The following C8orf34 variants were observed in gnomAD, a reference collection of about 807,000 sequenced individuals.
The protein encoded by C8orf34 is uncharacterized protein C8orf34.
In C8orf34, 65 loss-of-function variants were observed where a neutral mutation model predicts 68.3. That is an observed-to-expected ratio of 0.95 (90% confidence interval 0.78 to 1.17). The LOEUF (loss-of-function observed/expected upper bound fraction) is 1.17, where lower values mean the gene tolerates loss of function less well. C8orf34 is among the 50% of genes most tolerant of loss of function. The pLI is 0.00. For missense variants in C8orf34, 664 were observed against 655.4 expected (o/e 1.01, Z -0.14); for synonymous variants, 244 against 241.2 (o/e 1.01, Z -0.11).
At chr8:68,626,711 T>C (rs1483503978) in intron 7 of C8orf34, among the ~76,000 whole-genome samples, 1 of 152,180 alleles carries the variant, frequency 6.6e-6, no homozygotes, top group Non-Finnish European at 1.5e-5. Flanking sequence ...GTTCTCAACA[T>C]AGGATCTTAT....
At position 68,745,529 on chromosome 8, in the gene C8orf34, A is replaced by G. The variant is rs188978306; in HGVS notation, c.1404+24092A>G. On this transcript the variant is annotated intron_variant, in intron 10 of 13. Transcript: ENST00000518698. ...GACACACATAGGCTCAAAATAAAAG[A>G]ATGGAGGAAGGTCTACCAAGCAAAA... Among the ~76,000 whole-genome samples the G allele has an allele frequency of 5.7e-3, 869 of 152,204 alleles. 8 individuals are homozygous for G. Among genetic ancestry groups the G allele is most frequent in the African/African-American group, 0.02 (823 of 41,516 alleles).
chr8:68,723,155 T>C lies in C8orf34; in HGVS notation c.1404+1718T>C, dbSNP rs546914978. ...GCTTGTCTGTTTCTTGTAGAAACAG[T>C]TTATTCCTGTTTGTTAGATGTTGTC... On this transcript the variant is annotated intron_variant, in intron 10 of 13. Coordinates refer to ENST00000518698, the MANE Select transcript of C8orf34 (RefSeq NM_052958.4). 1.7e-4 allele frequency among the ~76,000 whole-genome samples: 26 copies of C among 152,240 alleles called. No individual in the cohort carries two copies. In the South Asian group the frequency reaches 5.4e-3, roughly 32 times the overall value.
intron 7 of C8orf34, among the ~76,000 whole-genome samples, chr8:68,611,263 T>C (rs983828969): frequency 6.6e-6 from 1 of 152,084 alleles, no homozygotes; most frequent in Non-Finnish European, 1.5e-5. Context: ...CAAGAAATGT[T>C]TTGGCAGAAA....
chr8:68,801,685 C>T (rs1386144399), intron 12 of C8orf34, among the ~76,000 whole-genome samples: 1 of 152,130 alleles, frequency 6.6e-6, no homozygotes. Flanking sequence ...CACAAAGATT[C>T]ACATTCAGAA....
At chr8:68,395,199 T>C (rs548006272) in intron 1 of C8orf34, among the ~76,000 whole-genome samples, 1 of 152,210 alleles carries the variant, frequency 6.6e-6, no homozygotes, top group South Asian at 2.1e-4. Flanking sequence ...GGGATTAATA[T>C]TGTCACATTC....
chr8:68,704,713 G>A (rs1049901236), intron 8 of C8orf34, among the ~76,000 whole-genome samples: 2 of 152,056 alleles, frequency 1.3e-5, no homozygotes, highest in Non-Finnish European at 2.9e-5. Flanking sequence ...TGTTAAGACT[G>A]CTTACTCACA....
intron 10 of C8orf34, among the ~76,000 whole-genome samples, chr8:68,738,727 T>A (rs1221836078): frequency 6.6e-6 from 1 of 152,008 alleles, no homozygotes; most frequent in Non-Finnish European, 1.5e-5. Context: ...CTCCCAAGAA[T>A]AAACCAAGAA....
intron 2 of C8orf34, among the ~76,000 whole-genome samples, chr8:68,442,294 C>T (rs1027659919): frequency 1.3e-5 from 2 of 152,000 alleles, no homozygotes; most frequent in African/African-American, 2.4e-5. Flanking sequence ...AAGATTGTCA[C>T]GCAGTTCTGG....
intron 12 of C8orf34, chr8:68,791,200 T>C: frequency 5.1e-6 from 2 of 393,250 alleles, no homozygotes; most frequent in Non-Finnish European, 9.0e-6. Flanking sequence ...TGGGGAGGCC[T>C]CAGGAAACTT....
At chr8:68,673,067 A>G (rs902702390) in intron 8 of C8orf34, among the ~76,000 whole-genome samples, 13 of 152,092 alleles carry the variant, frequency 8.5e-5, no homozygotes, top group African/African-American at 2.9e-4. Flanking sequence ...TACTTCTGGT[A>G]GGATTAATCA....
At chr8:68,414,716 C>T (rs952655093) in intron 1 of C8orf34, among the ~76,000 whole-genome samples, 2 of 152,074 alleles carry the variant, frequency 1.3e-5, no homozygotes, top group African/African-American at 4.8e-5. Context: ...TATTCAAACA[C>T]TTATTATGCC....
rs201089684 is a variant in C8orf34, at chr8:68,459,511, G to A, written c.608-9181G>A. 7.5e-4 allele frequency among the ~76,000 whole-genome samples: 114 copies of A among 152,244 alleles called. 1 individual carries two copies. The highest frequency in any genetic ancestry group is 3.4e-3 in the Middle Eastern group (1 of 294). On this transcript the variant is annotated intron_variant, in intron 3 of 13. Coordinates refer to ENST00000518698, the MANE Select transcript of C8orf34 (RefSeq NM_052958.4). ...CTCCCAAAGTGTTGGGATTACAGGC[G>A]TGAGCCACCGTGCCCGGCTGAAAAG...
chr8:68,390,597 T>C (rs761708793), intron 1 of C8orf34, among the ~76,000 whole-genome samples: 15 of 152,170 alleles, frequency 9.9e-5, no homozygotes, highest in Non-Finnish European at 1.8e-4. Flanking sequence ...ATGGGAATTT[T>C]ATCAAGTTTG....
intron 10 of C8orf34, among the ~76,000 whole-genome samples, chr8:68,729,289 G>C (rs909366301): frequency 6.6e-6 from 1 of 152,174 alleles, no homozygotes; most frequent in African/African-American, 2.4e-5. Flanking sequence ...AATTAGCAGA[G>C]TGGAATCCTC....
intron 7 of C8orf34, among the ~76,000 whole-genome samples, chr8:68,554,075 A>T (rs184926293): frequency 2.0e-5 from 3 of 152,290 alleles, no homozygotes; most frequent in Non-Finnish European, 4.4e-5. Flanking sequence ...GCAAATTGAA[A>T]AAAATCCAAT....
chr8:68,749,920 G>A (rs1822652388), intron 10 of C8orf34, among the ~76,000 whole-genome samples: 1 of 152,168 alleles, frequency 6.6e-6, no homozygotes, highest in Admixed American at 6.5e-5. Flanking sequence ...AGTATTAATA[G>A]TGTGGCTATA....
At position 68,756,575 on chromosome 8, in the gene C8orf34, A is replaced by G. The variant is rs530316124; in HGVS notation, c.1405-19824A>G. Among the ~76,000 whole-genome samples, 50 of 152,270 alleles carry G rather than the reference A, an allele frequency of 3.3e-4. No homozygotes were observed. In the South Asian group the frequency reaches 7.2e-3, roughly 22 times the overall value. Reference sequence around the variant, plus strand: ...AAGGAGGTACTCAAAGAAAAGAAAGAAAAAAGTATGAAAGCTTAAATAATA... The same window carrying G: ...AAGGAGGTACTCAAAGAAAAGAAAGGAAAAAGTATGAAAGCTTAAATAATA... On this transcript the variant is annotated intron_variant, in intron 10 of 13. Transcript: ENST00000518698.
At chr8:68,742,202 T>C (rs1822315291) in intron 10 of C8orf34, among the ~76,000 whole-genome samples, 1 of 152,178 alleles carries the variant, frequency 6.6e-6, no homozygotes, top group Admixed American at 6.5e-5. Context: ...TCCTTATGGC[T>C]GCCTTATCCG....
chr8:68,449,553 G>A (rs1373994060), intron 3 of C8orf34, among the ~76,000 whole-genome samples: 2 of 151,998 alleles, frequency 1.3e-5, no homozygotes, highest in East Asian at 3.9e-4. Flanking sequence ...CTGCAATAAA[G>A]TGAATATCAC....
Sources: gnomAD v4.1 joint callset for allele counts (sites outside exome capture counted in the v4.1 genomes callset) on GRCh38, gnomAD v4.1.1 for gene constraint, MANE v1.5 for transcripts, NCBI Gene and HGNC (gene_info 2026-07-23, HGNC 2026-07-21) for gene names.